CCDC136: variants seen among roughly 807,000 people sequenced by gnomAD.
CCDC136 encodes coiled-coil domain containing 136.
CCDC136 carries 100 observed loss-of-function variants against 141.2 expected under a neutral mutation model. The ratio of observed to expected loss-of-function variants is 0.71; its 90% CI spans 0.60 to 0.84. CCDC136 has a LOEUF of 0.84. CCDC136 is among the 40% of genes least tolerant of loss of function. The pLI, the probability that CCDC136 is intolerant of heterozygous loss-of-function variation, is 0.00. For missense variants in CCDC136, 1,206 were observed against 1,379.4 expected (o/e 0.87, Z 1.99); for synonymous variants, 474 against 531.9 (o/e 0.89, Z 1.50).
intron 3 of CCDC136, 63 bp from the exon 4 acceptor site, chr7:128,801,123 C>T: frequency 1.6e-6 from 2 of 1,263,508 alleles, no homozygotes; most frequent in Admixed American, 2.0e-5. Flanking sequence ...AATTTTGTGC[C>T]TCTAGAACAT....
intron 7 of CCDC136, 45 bp from the exon 8 acceptor site, chr7:128,806,192 T>C: frequency 5.4e-6 from 8 of 1,481,604 alleles, no homozygotes; most frequent in Non-Finnish European, 6.3e-6. Context: ...AAAGACCTGC[T>C]GTTTCTTGAG....
At position 128,812,587 on chromosome 7, in the gene CCDC136, C is replaced by T; in HGVS notation, c.2542-121C>T. 3 of 784,576 alleles carry T rather than the reference C, an allele frequency of 3.8e-6. No individual in the cohort carries two copies. The South Asian group carries it at 4.9e-5, about 13-fold the overall frequency. The allele number at this position is 784,576 out of a possible 1,614,324, so 48.6% of individuals were successfully genotyped here. ...TCTTTATGGGGGTAAATATAGTAAT[C>T]CCCCGCGGGCATCTCTGGATCCTGG... On this transcript the variant is annotated intron_variant, in intron 13 of 17. Coordinates refer to ENST00000297788, the MANE Select transcript of CCDC136 (RefSeq NM_022742.5).
At chr7:128,791,422 C>T, upstream of CCDC136, 1 of 1,151,970 alleles carries the variant, frequency 8.7e-7, no homozygotes, top group Non-Finnish European at 1.1e-6. This position sits in a 1 kb window ranked among gnomAD's most constrained non-coding sequence, Gnocchi z 7.1. Flanking sequence ...TCCCTGCGCA[C>T]CCGGCTCGGG....
At chr7:128,816,491 T>C (rs919612015) in intron 16 of CCDC136, among the ~76,000 whole-genome samples, 1 of 152,148 alleles carries the variant, frequency 6.6e-6, no homozygotes, top group African/African-American at 2.4e-5. Context: ...TCAAGAGTGA[T>C]AGTGAAAATA....
chr7:128,812,762 A>T lies in CCDC136; in HGVS notation c.2596A>T (p.Met866Leu). 1 of 1,613,618 alleles carries T rather than the reference A, an allele frequency of 6.2e-7. No individual in the cohort carries two copies. Among genetic ancestry groups the T allele is most frequent in the Non-Finnish European group, 8.5e-7 (1 of 1,179,842 alleles). The change falls in exon 14 of 18, where the codon ATG becomes TTG. Residue 866 changes from methionine to leucine, a missense_variant. Coordinates refer to ENST00000297788, the MANE Select transcript of CCDC136 (RefSeq NM_022742.5). Reference sequence around the variant, plus strand: ...GATCAAGCTGCAGGCGGTGCAGGCCATGTACCAGATAAGCCAGGAGGAACA... The same window carrying T: ...GATCAAGCTGCAGGCGGTGCAGGCCTTGTACCAGATAAGCCAGGAGGAACA... ...VLIKLQAVQA[M>L]YQISQEEHSQ... is the part of the protein sequence containing the mutation.
At chr7:128,792,641 C>G (rs1364839892) in intron 1 of CCDC136, among the ~76,000 whole-genome samples, 1 of 152,140 alleles carries the variant, frequency 6.6e-6, no homozygotes, top group Non-Finnish European at 1.5e-5. Flanking sequence ...CAATCACCCC[C>G]CAGCTAACCA....
chr7:128,815,462 G>A (rs567154927), intron 15 of CCDC136, among the ~76,000 whole-genome samples, 152 bp from the exon 16 acceptor site: 1 of 152,310 alleles, frequency 6.6e-6, no homozygotes, highest in African/African-American at 2.4e-5. Flanking sequence ...CATATGCTCA[G>A]GGGATTGGCT....
Position 128,806,676 on chromosome 7 carries a change from C to T in CCDC136, c.1249-12C>T, listed in dbSNP as rs1489477384. Reference sequence around the variant, plus strand: ...AGCCCAAAGGCACTGCCCAAAGCCCCCTCTACCATAGGAGTTACTGTGCCG... The same window carrying T: ...AGCCCAAAGGCACTGCCCAAAGCCCTCTCTACCATAGGAGTTACTGTGCCG... On this transcript the variant is annotated splice_polypyrimidine_tract_variant and intron_variant, in intron 8 of 17. Coordinates refer to ENST00000297788, the MANE Select transcript of CCDC136 (RefSeq NM_022742.5). 1.7e-5 allele frequency: 27 copies of T among 1,606,648 alleles called. No homozygotes were observed. Among genetic ancestry groups the T allele is most frequent in the Non-Finnish European group, 2.2e-5 (26 of 1,177,452 alleles).
chr7:128,815,625 A>G lies in CCDC136; in HGVS notation c.3057A>G (p.Val1019=). Residue 1019 remains valine, a synonymous_variant, in exon 16 of 18, where the codon GTA becomes GTG. Coordinates refer to ENST00000297788, the MANE Select transcript of CCDC136 (RefSeq NM_022742.5). ...CTCCCACCCCACAGAGTCTGGAGGTAGTGCTGTACTACAAGGCCAGCCAGA... is the reference window on the plus strand; with the variant it reads ...CTCCCACCCCACAGAGTCTGGAGGTGGTGCTGTACTACAAGGCCAGCCAGA... ...SDLETRKSLE[V]VLYYKASQRK... The G allele has an allele frequency of 1.9e-6, 3 of 1,554,804 alleles. No homozygotes were observed. The highest frequency in any genetic ancestry group is 2.6e-6 in the Non-Finnish European group (3 of 1,148,858).
chr7:128,796,963 G>A (rs1440382861), intron 3 of CCDC136, among the ~76,000 whole-genome samples: 2 of 151,302 alleles, frequency 1.3e-5, no homozygotes, highest in Non-Finnish European at 2.9e-5. Context: ...GGATGGTCTC[G>A]ATCTCCTGAC....
In CCDC136 at chr7:128,807,437, G is replaced by A; in HGVS notation, c.1497G>A (p.Lys499=). The change falls in exon 10 of 18, where the codon AAG becomes AAA. Residue 499 remains lysine, a synonymous_variant. Transcript: ENST00000297788. The part of the protein sequence containing the change: ...QASKDELERQ[K]HMYDQLEQDL... ...GCAAGGACGAGCTGGAGCGGCAGAA[G>A]CACATGTATGACCAGCTGGAGCAGG... 6.3e-7 allele frequency: 1 copy of A among 1,575,506 alleles called. No individual in the cohort carries two copies. Among genetic ancestry groups the A allele is most frequent in the South Asian group, 1.2e-5 (1 of 84,806 alleles).
chr7:128,812,338 G>A, intron 13 of CCDC136, 26 bp downstream of exon 13: 1 of 1,598,176 alleles, frequency 6.3e-7, no homozygotes, highest in South Asian at 1.1e-5. Context: ...TGACAGGTCA[G>A]GCAGGGGACG....
chr7:128,812,619 T>C, intron 13 of CCDC136, 89 bp from the exon 14 acceptor site: 1 of 1,005,162 alleles, frequency 9.9e-7, no homozygotes, highest in South Asian at 1.4e-5. Flanking sequence ...CTGGTGGCCA[T>C]TGTTTGGTAT....
intron 12 of CCDC136, chr7:128,811,122 T>C (rs542606677): frequency 1.9e-4 from 63 of 339,012 alleles, no homozygotes; most frequent in African/African-American, 1.3e-3. Context: ...TCAGATCTTA[T>C]TCTGAACAAG....
Position 128,792,103 on chromosome 7 carries a change from G to T in CCDC136, c.-309G>T, listed in dbSNP as rs908646919. ...TCTTTCTTTCTGTGCAAGCAAGAGG[G>T]TCCTGGAACAGCGGGTTCTGAGGAG... On this transcript the variant is annotated 5_prime_UTR_variant, in exon 1 of 18. Transcript: ENST00000297788. 4 of 1,391,796 alleles carry T rather than the reference G, an allele frequency of 2.9e-6. No homozygotes were observed. The highest frequency in any genetic ancestry group is 3.7e-6 in the Non-Finnish European group (4 of 1,077,166). 86.2% of individuals were successfully genotyped at this position (1,391,796 alleles called of 1,614,324 possible).
chr7:128,797,855 A>T (rs995847695), intron 3 of CCDC136, among the ~76,000 whole-genome samples: 4 of 151,134 alleles, frequency 2.6e-5, no homozygotes, highest in African/African-American at 9.7e-5. Flanking sequence ...TCCTCCATTC[A>T]AACGGGCGAA....
At chr7:128,795,357 A>C (rs1802783760) in intron 3 of CCDC136, among the ~76,000 whole-genome samples, 1 of 152,060 alleles carries the variant, frequency 6.6e-6, no homozygotes, top group Admixed American at 6.6e-5. Context: ...ACATTCCACC[A>C]CACCACCAAA....
intron 16 of CCDC136, among the ~76,000 whole-genome samples, chr7:128,816,531 TAGTCCA>T (rs907488259): frequency 6.6e-6 from 1 of 152,184 alleles, no homozygotes; most frequent in Non-Finnish European, 1.5e-5. Context: ...GAGCATAGAC[TAGTCCA>T]AGGAGACCAT....
chr7:128,810,986 T>A (rs530887325), intron 12 of CCDC136, among the ~76,000 whole-genome samples: 1 of 152,350 alleles, frequency 6.6e-6, no homozygotes, highest in Non-Finnish European at 1.5e-5. Context: ...GTCATTCAGA[T>A]GAGGTGACAC....
Sources: allele counts gnomAD v4.1 joint callset (sites outside exome capture counted in the v4.1 genomes callset), GRCh38; gene constraint gnomAD v4.1.1; non-coding constraint Gnocchi (gnomAD v3.1); transcripts MANE v1.5; gene names NCBI Gene and HGNC (gene_info 2026-07-23, HGNC 2026-07-21).